The following PDE2A variants were observed in gnomAD, a reference collection of about 807,000 sequenced individuals.
The protein encoded by PDE2A is cGMP-dependent 3',5'-cyclic phosphodiesterase.
A neutral mutation model predicts 133.6 loss-of-function variants in PDE2A; 53 were observed. The observed-to-expected ratio is 0.40, with a 90% CI of 0.32 to 0.50. PDE2A has a LOEUF of 0.50. PDE2A is among the 20% of genes least tolerant of loss of function. PDE2A has a pLI of 0.73. For synonymous variants in PDE2A, 491 were observed against 490.2 expected, an observed-to-expected ratio of 1.00 and a Z score of -0.02; for missense variants, 796 against 1,232.4, an observed-to-expected ratio of 0.65 and a Z score of 5.30.
At chr11:72,614,664 C>T (rs962943335) in intron 2 of PDE2A, among the ~76,000 whole-genome samples, 1 of 152,180 alleles carries the variant, frequency 6.6e-6, no homozygotes, top group Admixed American at 6.5e-5. Flanking sequence ...GACCACACCT[C>T]GAGACCCACT....
At chr11:72,615,026 C>A (rs189329503) in intron 2 of PDE2A, 1 of 457,088 alleles carries the variant, frequency 2.2e-6, no homozygotes, top group Non-Finnish European at 4.8e-6. Flanking sequence ...CATCCCTCCA[C>A]CCTCCTGCCC....
chr11:72,592,160 C>T (rs568136681), intron 6 of PDE2A, among the ~76,000 whole-genome samples: 1 of 152,272 alleles, frequency 6.6e-6, no homozygotes, highest in African/African-American at 2.4e-5. Context: ...GGGTGCTTGT[C>T]GAGGAAAATG....
intron 2 of PDE2A, among the ~76,000 whole-genome samples, chr11:72,613,060 A>G (rs892914291): frequency 1.7e-4 from 26 of 152,172 alleles, no homozygotes; most frequent in Admixed American, 5.9e-4. Flanking sequence ...AGCCACAAGC[A>G]CAAGACCAAC....
chr11:72,602,586 C>T lies in PDE2A; in HGVS notation c.323+2552G>A, dbSNP rs563684305. ...ACCATCGGAAGGACCCTGTACCCAA[C>T]CCCACCCATTTCACAGAAAAAAGGC... On this transcript the variant is annotated intron_variant, in intron 4 of 30. Coordinates refer to ENST00000334456, the MANE Select transcript of PDE2A (RefSeq NM_002599.5). Among the ~76,000 whole-genome samples, 11 of 152,314 alleles carry T rather than the reference C, an allele frequency of 7.2e-5. No homozygotes were observed. In the East Asian group the frequency reaches 2.1e-3, roughly 29 times the overall value.
chr11:72,578,756 C>T lies in PDE2A; in HGVS notation c.2469+141G>A. Reference sequence around the variant, plus strand: ...TTCCCCTCTCTGAGTCTCCATTTGTCACCCTGAGATGGTCTAGGTTTCTGT... The same window carrying T: ...TTCCCCTCTCTGAGTCTCCATTTGTTACCCTGAGATGGTCTAGGTTTCTGT... On this transcript the variant is annotated intron_variant, in intron 28 of 30. Transcript: ENST00000334456. The surrounding 1 kb of genome is among the most constrained non-coding windows in gnomAD (Gnocchi z 4.2). The T allele has an allele frequency of 4.5e-6, 3 of 666,574 alleles. No individual in the cohort carries two copies. The highest frequency in any genetic ancestry group is 8.1e-6 in the Non-Finnish European group (3 of 370,992). The allele number at this position is 666,574 out of a possible 1,614,324, so 41.3% of individuals were successfully genotyped here.
intron 2 of PDE2A, among the ~76,000 whole-genome samples, chr11:72,637,298 C>T (rs1213258353): frequency 1.3e-5 from 2 of 152,244 alleles, no homozygotes; most frequent in African/African-American, 2.4e-5. Context: ...TCCCCTCCCC[C>T]AGCCCTAGTA....
intron 1 of PDE2A, among the ~76,000 whole-genome samples, chr11:72,659,776 AG>A (rs1405361468): frequency 6.6e-6 from 1 of 152,154 alleles, no homozygotes; most frequent in Admixed American, 6.5e-5. Context: ...ACCTGGTCAA[AG>A]GAGGGGCGGG....
chr11:72,584,887 GCCCCC>G lies in PDE2A; in HGVS notation c.1339_1343del (p.Gly447ArgfsTer4). 1 of 1,613,922 alleles carries G rather than the reference GCCCCC, an allele frequency of 6.2e-7. No homozygotes were observed. The highest frequency in any genetic ancestry group is 8.5e-7 in the Non-Finnish European group (1 of 1,179,862). On this transcript the variant is annotated frameshift_variant, in exon 17 of 31. Transcript: ENST00000334456. LOFTEE classifies it high-confidence loss of function. Reference sequence around the variant, plus strand: ...ACCCTCTCACCTCATCATCCACCACGCCCCCGTCGAACACCTTGGCCACCAGCTCA... The same window carrying G: ...ACCCTCTCACCTCATCATCCACCACGGTCGAACACCTTGGCCACCAGCTCA...
rs1280097373 is a variant in PDE2A, at chr11:72,578,241, G to A, written c.2607C>T (p.Pro869=). ...QISFMEHIAM[P]IYKLLQDLFP... ...CCCATGAGCTCACTCACTTGTAGAT[G>A]GGCATTGCAATGTGCTCCATGAAGC... The change falls in exon 30 of 31, where the codon CCC becomes CCT. Residue 869 remains proline (P), a synonymous_variant. Coordinates refer to ENST00000334456, the MANE Select transcript of PDE2A (RefSeq NM_002599.5). The surrounding 1 kb of genome is among the most constrained non-coding windows in gnomAD (Gnocchi z 4.2). 1 of 1,594,986 alleles carries A rather than the reference G, an allele frequency of 6.3e-7. No individual in the cohort carries two copies. Among genetic ancestry groups the A allele is most frequent in the Non-Finnish European group, 8.6e-7 (1 of 1,162,458 alleles).
At position 72,596,574 on chromosome 11, in the gene PDE2A, C is replaced by T. The variant is rs576911774; in HGVS notation, c.489+19G>A. On this transcript the variant is annotated intron_variant, in intron 6 of 30. Transcript: ENST00000334456. ...ATGGTCTCCTCTCCCTACATCCCAC[C>T]GCCTAGGCAGGCTCTTACCAAGATG... 16 of 1,451,672 alleles carry T rather than the reference C, an allele frequency of 1.1e-5. No individual in the cohort carries two copies. The highest frequency in any genetic ancestry group is 4.6e-5 in the South Asian group (3 of 65,802). The allele number at this position is 1,451,672 out of a possible 1,614,324, so 89.9% of individuals were successfully genotyped here.
rs771489635 is a variant in PDE2A at position 72,586,191 on chromosome 11, G to A, written c.1071-10C>T. 9 of 1,540,474 alleles carry A rather than the reference G, an allele frequency of 5.8e-6. No individual in the cohort carries two copies. The African/African-American group carries it at 6.8e-5, about 12-fold the overall frequency. On this transcript the variant is annotated splice_polypyrimidine_tract_variant and intron_variant, in intron 13 of 30. Transcript: ENST00000334456. ...GTCCTCGTCGGTGAACCTGGAGGAG[G>A]GGGTGGGCTCACTCAGGAGGGAAGG... is the stretch of plus-strand genomic sequence containing the variant.
intron 1 of PDE2A, among the ~76,000 whole-genome samples, chr11:72,672,144 C>A (rs1040725971): frequency 6.6e-6 from 1 of 151,624 alleles, no homozygotes; most frequent in Non-Finnish European, 1.5e-5. Flanking sequence ...ACAATGCCAC[C>A]GAGGCAGGTT....
At chr11:72,601,818 G>A (rs968063445) in intron 4 of PDE2A, among the ~76,000 whole-genome samples, 5 of 152,136 alleles carry the variant, frequency 3.3e-5, no homozygotes, top group African/African-American at 7.2e-5. Context: ...CCCCAAGGTC[G>A]TTTGCAGCCC....
chr11:72,591,735 C>G (rs1293277848), intron 6 of PDE2A, among the ~76,000 whole-genome samples: 1 of 152,242 alleles, frequency 6.6e-6, no homozygotes, highest in African/African-American at 2.4e-5. Flanking sequence ...CCTCCCGGCT[C>G]TATCCTGTCT....
chr11:72,641,268 G>A (rs1008346680), intron 2 of PDE2A, among the ~76,000 whole-genome samples: 1 of 152,192 alleles, frequency 6.6e-6, no homozygotes, highest in Non-Finnish European at 1.5e-5. Flanking sequence ...ATCGCCTGAG[G>A]GCAGCACACT....
chr11:72,614,551 G>C (rs1857368500), intron 2 of PDE2A, among the ~76,000 whole-genome samples: 1 of 152,180 alleles, frequency 6.6e-6, no homozygotes, highest in South Asian at 2.1e-4. Flanking sequence ...AGTGCAGATT[G>C]CTGGCCCCAC....
chr11:72,583,291 T>A, intron 20 of PDE2A, 147 bp downstream of exon 20: 1 of 619,354 alleles, frequency 1.6e-6, no homozygotes. Context: ...TAAGCAGGGG[T>A]GGGAGCTGCC....
Position 72,578,492 on chromosome 11 carries a change from A to G in PDE2A, c.2492T>C (p.Phe831Ser). 1 of 1,613,362 alleles carries G rather than the reference A, an allele frequency of 6.2e-7. No homozygotes were observed. The highest frequency in any genetic ancestry group is 8.5e-7 in the Non-Finnish European group (1 of 1,179,390). Residue 831 changes from phenylalanine (F) to serine (S), a missense_variant, in exon 29 of 31, where the codon TTC (phenylalanine) becomes TCC (serine). Coordinates refer to ENST00000334456, the MANE Select transcript of PDE2A (RefSeq NM_002599.5). This position sits in a 1 kb window ranked among gnomAD's most constrained non-coding sequence, Gnocchi z 4.2. ...CACACATACCAGGTCTCCCTGGGAG[A>G]AGAATTCTTTGTAGATCAGCTCCTG... is the stretch of plus-strand genomic sequence containing the variant. Reference protein sequence around the residue: ...KIAELIYKEFFSQGDLEKAMG... With the variant: ...KIAELIYKEFSSQGDLEKAMG...
intron 1 of PDE2A, among the ~76,000 whole-genome samples, chr11:72,673,770 A>G (rs1349387504): frequency 6.7e-6 from 1 of 150,170 alleles, no homozygotes; most frequent in East Asian, 2.0e-4. Context: ...GAACCAGCCT[A>G]TTGCAGCCCC....
Sources: gnomAD v4.1 joint callset for allele counts (sites outside exome capture counted in the v4.1 genomes callset) on GRCh38, gnomAD v4.1.1 for gene constraint, Gnocchi (gnomAD v3.1) non-coding constraint, MANE v1.5 for transcripts, NCBI Gene and HGNC (gene_info 2026-07-23, HGNC 2026-07-21) for gene names.